The following ASIC2 variants were observed in gnomAD, a reference collection of about 807,000 sequenced individuals.
The protein encoded by ASIC2 is acid sensing ion channel subunit 2.
A neutral mutation model predicts 57.3 loss-of-function variants in ASIC2; 25 were observed. The observed-to-expected ratio is 0.44, with a 90% CI of 0.32 to 0.61. The LOEUF (loss-of-function observed/expected upper bound fraction) is 0.61, where lower values mean the gene tolerates loss of function less well. Among genes scored for constraint, ASIC2 ranks in the 20% least tolerant of loss-of-function variants. The pLI, the probability that ASIC2 is intolerant of heterozygous loss-of-function variation, is 0.06. For synonymous variants in ASIC2, 319 were observed against 307.5 expected (o/e 1.04, Z -0.39); for missense variants, 641 against 738.1 (o/e 0.87, Z 1.52).
At chr17:33,779,967 C>CTTTTT (rs759850922) in intron 1 of ASIC2, among the ~76,000 whole-genome samples, 36,680 of 85,026 alleles carry the variant, frequency 0.43, 9,860 homozygotes, top group Non-Finnish European at 0.54. Flanking sequence ...CTACAGAAGC[C>CTTTTT]TTTTTTTTTT....
rs59967284 is a variant in ASIC2 at position 33,381,341 on chromosome 17, G to T, written c.556-269274C>A. Reference sequence around the variant, plus strand: ...CCTGGGCTGAGGCACCAAGAGCATGGGGGGAGGAACTTTCTTTGCTCAGGC... The same window carrying T: ...CCTGGGCTGAGGCACCAAGAGCATGTGGGGAGGAACTTTCTTTGCTCAGGC... On this transcript the variant is annotated intron_variant, in intron 1 of 9. Transcript: ENST00000359872. 5.5e-3 allele frequency among the ~76,000 whole-genome samples: 832 copies of T among 152,346 alleles called. 9 individuals carry two copies. Among genetic ancestry groups the T allele is most frequent in the African/African-American group, 0.019 (772 of 41,578 alleles).
At chr17:33,889,596 T>G (rs1914913674) in intron 1 of ASIC2, among the ~76,000 whole-genome samples, 1 of 152,206 alleles carries the variant, frequency 6.6e-6, no homozygotes, top group Non-Finnish European at 1.5e-5. Context: ...GAGCTTAGCT[T>G]CTCACCAAGA....
At chr17:33,260,345 C>T (rs1021994547) in intron 1 of ASIC2, among the ~76,000 whole-genome samples, 2 of 152,162 alleles carry the variant, frequency 1.3e-5, no homozygotes, top group South Asian at 2.1e-4. Flanking sequence ...GGCAACCAGA[C>T]GCATGCAGCT....
intron 1 of ASIC2, among the ~76,000 whole-genome samples, chr17:33,348,518 G>A (rs1317305563): frequency 6.6e-6 from 1 of 152,194 alleles, no homozygotes; most frequent in Non-Finnish European, 1.5e-5. Context: ...GGAATATTCA[G>A]GGAAGGGTGG....
chr17:33,016,123 G>T (rs1567717121), intron 8 of ASIC2, 84 bp from the exon 9 acceptor site: 20 of 1,353,306 alleles, frequency 1.5e-5, no homozygotes, highest in Non-Finnish European at 1.8e-5. Context: ...GGCCCCACTG[G>T]GGTGGCAGCT....
At chr17:33,101,685 G>A (rs1394149650) in intron 2 of ASIC2, among the ~76,000 whole-genome samples, 1 of 152,132 alleles carries the variant, frequency 6.6e-6, no homozygotes, top group Admixed American at 6.5e-5. Flanking sequence ...TGTGTTCCAC[G>A]ATGCTGCCTT....
At chr17:33,252,243 A>G (rs2142133524) in intron 1 of ASIC2, among the ~76,000 whole-genome samples, 1 of 152,236 alleles carries the variant, frequency 6.6e-6, no homozygotes, top group Middle Eastern at 3.4e-3. Context: ...CAGCTTTTTC[A>G]TTTATTAGGC....
At chr17:33,689,456 C>G (rs1224645591) in intron 1 of ASIC2, among the ~76,000 whole-genome samples, 1 of 152,184 alleles carries the variant, frequency 6.6e-6, no homozygotes, top group East Asian at 1.9e-4. Context: ...TGGTGTCAAT[C>G]AAAAATGTCT....
intron 1 of ASIC2, among the ~76,000 whole-genome samples, chr17:33,156,368 C>T (rs1905003049): frequency 6.6e-6 from 1 of 151,980 alleles, no homozygotes; most frequent in African/African-American, 2.4e-5. Context: ...CCCTGTAATC[C>T]ACCCACCTTG....
intron 1 of ASIC2, among the ~76,000 whole-genome samples, chr17:33,452,382 C>T (rs1388365557): frequency 6.6e-6 from 1 of 152,214 alleles, no homozygotes; most frequent in Non-Finnish European, 1.5e-5. Flanking sequence ...GCTTTCTTTC[C>T]ATCACCTCTT....
At chr17:33,209,251 T>C (rs1223237915) in intron 1 of ASIC2, among the ~76,000 whole-genome samples, 1 of 152,236 alleles carries the variant, frequency 6.6e-6, no homozygotes, top group Non-Finnish European at 1.5e-5. Flanking sequence ...AGGCTATTAT[T>C]CTGGTTGCTG....
intron 1 of ASIC2, among the ~76,000 whole-genome samples, chr17:33,887,408 G>A (rs953418433): frequency 3.9e-5 from 6 of 152,122 alleles, no homozygotes. Context: ...AGAAGGCACT[G>A]TATTGAGGTA....
At chr17:33,578,996 A>G (rs561088032) in intron 1 of ASIC2, among the ~76,000 whole-genome samples, 2 of 152,260 alleles carry the variant, frequency 1.3e-5, no homozygotes, top group East Asian at 1.9e-4. Context: ...TATAGAATGC[A>G]GGTTAATGGT....
intron 1 of ASIC2, among the ~76,000 whole-genome samples, chr17:33,320,415 A>G (rs1310915217): frequency 6.6e-6 from 1 of 152,120 alleles, no homozygotes; most frequent in Non-Finnish European, 1.5e-5. Context: ...AGGAGTTAAC[A>G]GGCTTCCCAC....
chr17:33,291,265 C>T (rs914055436), intron 1 of ASIC2, 143 bp downstream of exon 1: 21 of 1,416,926 alleles, frequency 1.5e-5, no homozygotes, highest in Non-Finnish European at 1.9e-5. Flanking sequence ...TCAGGGGACC[C>T]AAGAATGGGT....
chr17:33,346,869 C>A (rs1907968828), intron 1 of ASIC2, among the ~76,000 whole-genome samples: 1 of 152,072 alleles, frequency 6.6e-6, no homozygotes, highest in African/African-American at 2.4e-5. Context: ...GGGGATGAGA[C>A]CTGAAAGTCA....
intron 1 of ASIC2, among the ~76,000 whole-genome samples, chr17:33,199,958 C>A (rs887299161): frequency 6.6e-6 from 1 of 152,120 alleles, no homozygotes; most frequent in East Asian, 1.9e-4. Context: ...GGAGCCTCAC[C>A]GTGCCCCCTT....
chr17:34,097,338 G>A (rs1413221396), intron 1 of ASIC2, among the ~76,000 whole-genome samples: 1 of 151,978 alleles, frequency 6.6e-6, no homozygotes, highest in Admixed American at 6.6e-5. Context: ...AGTAGTTTGG[G>A]TTGGCATAAA....
chr17:33,757,136 T>G (rs1028090857), intron 1 of ASIC2, among the ~76,000 whole-genome samples: 1 of 152,214 alleles, frequency 6.6e-6, no homozygotes, highest in African/African-American at 2.4e-5. Flanking sequence ...ATTCTTATCA[T>G]GACTAGAATC....
Sources: gnomAD v4.1 joint callset for allele counts (sites outside exome capture counted in the v4.1 genomes callset) on GRCh38, gnomAD v4.1.1 for gene constraint, MANE v1.5 for transcripts, NCBI Gene and HGNC (gene_info 2026-07-23, HGNC 2026-07-21) for gene names.